ZC3H12B: variants seen among roughly 807,000 people sequenced by gnomAD.
ZC3H12B encodes probable ribonuclease ZC3H12B.
Under a neutral mutation model 43.9 loss-of-function variants are expected in ZC3H12B, and 7 were observed. The ratio of observed to expected loss-of-function variants is 0.16; its 90% CI spans 0.09 to 0.30. ZC3H12B has a LOEUF of 0.30. Ranked by LOEUF, ZC3H12B falls within the 10% of genes least tolerant of loss-of-function variation. The pLI is 1.00. For missense variants in ZC3H12B, 475 were observed against 670.2 expected (o/e 0.71, Z 3.22); for synonymous variants, 222 against 241.7 (o/e 0.92, Z 0.76).
the ZC3H12B span, among the ~76,000 whole-genome samples, chrX:65,274,729 C>A: frequency 2.7e-5 from 3 of 110,794 alleles, no homozygotes; most frequent in Non-Finnish European, 5.7e-5. Context: ...ACAGCACCCT[C>A]CCCACTCAGA....
chrX:65,198,976 A>G, the ZC3H12B span, among the ~76,000 whole-genome samples: 1 of 110,560 alleles, frequency 9.0e-6, no homozygotes, highest in African/African-American at 3.3e-5. Flanking sequence ...ACAAGCATGC[A>G]TCGTCACCTC....
chrX:65,094,576 A>G, the ZC3H12B span, among the ~76,000 whole-genome samples: 1 of 111,911 alleles, frequency 8.9e-6, no homozygotes. Context: ...AAATGTTTTG[A>G]TATTTCCACT....
chrX:65,082,950 A>C, the ZC3H12B span, among the ~76,000 whole-genome samples: 1 of 111,389 alleles, frequency 9.0e-6, no homozygotes, highest in Non-Finnish European at 1.9e-5. Context: ...GAATAGTTCA[A>C]AATACACATG....
At chrX:65,331,987 A>G in the ZC3H12B span, among the ~76,000 whole-genome samples, 2 of 111,209 alleles carry the variant, frequency 1.8e-5, no homozygotes, top group Non-Finnish European at 3.8e-5. Flanking sequence ...AGCCTGTTTT[A>G]TCAGCAAGGT....
intron 3 of ZC3H12B, among the ~76,000 whole-genome samples, chrX:65,413,862 G>A (rs908129073): frequency 1.8e-5 from 2 of 112,054 alleles, no homozygotes; most frequent in Non-Finnish European, 3.8e-5. Context: ...CATTGAATCT[G>A]TAGATCACTT....
the ZC3H12B span, among the ~76,000 whole-genome samples, chrX:65,099,986 C>A: frequency 2.8e-4 from 31 of 111,482 alleles, no homozygotes; most frequent in Non-Finnish European, 3.6e-4. Flanking sequence ...AGAACCTTCA[C>A]AAAAGGTTAC....
the ZC3H12B span, among the ~76,000 whole-genome samples, chrX:65,056,992 G>T: frequency 8.9e-6 from 1 of 111,811 alleles, no homozygotes; most frequent in Admixed American, 9.5e-5. Context: ...CTGCATGTGA[G>T]ATGGGTCTCC....
At chrX:65,287,304 A>T in the ZC3H12B span, among the ~76,000 whole-genome samples, 1 of 112,071 alleles carries the variant, frequency 8.9e-6, no homozygotes, top group Admixed American at 9.5e-5. Flanking sequence ...AAGTCTCAAC[A>T]TATTTTAAAA....
At chrX:65,048,859 A>G in the ZC3H12B span, among the ~76,000 whole-genome samples, 2 of 110,937 alleles carry the variant, frequency 1.8e-5, no homozygotes, top group African/African-American at 3.3e-5. Flanking sequence ...TGTTTTAATC[A>G]TGGCCATTTT....
At chrX:65,159,288 T>C in the ZC3H12B span, among the ~76,000 whole-genome samples, 3 of 111,427 alleles carry the variant, frequency 2.7e-5, no homozygotes, top group Middle Eastern at 4.6e-3. Context: ...ACTTTAGTTT[T>C]TTCCAATTCT....
At chrX:65,425,230 T>A (rs2067066601) in intron 3 of ZC3H12B, among the ~76,000 whole-genome samples, 1 of 111,316 alleles carries the variant, frequency 9.0e-6, no homozygotes, top group Non-Finnish European at 1.9e-5. Flanking sequence ...TTGTGGCATT[T>A]GTGAATGGGA....
chrX:65,163,662 G>C, the ZC3H12B span, among the ~76,000 whole-genome samples: 1 of 111,561 alleles, frequency 9.0e-6, no homozygotes, highest in Non-Finnish European at 1.9e-5. Context: ...GATTTTCCAG[G>C]TGCCATCTGT....
chrX:65,162,656 T>C, the ZC3H12B span, among the ~76,000 whole-genome samples: 1 of 111,815 alleles, frequency 8.9e-6, no homozygotes, highest in Non-Finnish European at 1.9e-5. Context: ...GTTATTCTAG[T>C]TATACATTCG....
the ZC3H12B span, among the ~76,000 whole-genome samples, chrX:65,228,769 A>T: frequency 1.5e-4 from 17 of 111,807 alleles, no homozygotes; most frequent in African/African-American, 5.5e-4. Flanking sequence ...ATCATAAGTG[A>T]ACTCCCATTC....
intron 3 of ZC3H12B, among the ~76,000 whole-genome samples, chrX:65,447,095 T>C (rs1032352115): frequency 8.9e-6 from 1 of 111,933 alleles, no homozygotes; most frequent in African/African-American, 3.3e-5. Flanking sequence ...AGCAATCATT[T>C]CTTCAAATAA....
the ZC3H12B span, among the ~76,000 whole-genome samples, chrX:65,264,731 A>G: frequency 4.5e-5 from 5 of 111,730 alleles, no homozygotes; most frequent in South Asian, 1.9e-3. Flanking sequence ...ATGATTAAAT[A>G]GTAAAAGCAA....
the ZC3H12B span, among the ~76,000 whole-genome samples, chrX:65,255,192 G>A: frequency 9.0e-6 from 1 of 111,015 alleles, no homozygotes; most frequent in Non-Finnish European, 1.9e-5. Flanking sequence ...GGCCAACATT[G>A]GAAATGGAGA....
chrX:65,241,137 C>T, the ZC3H12B span, among the ~76,000 whole-genome samples: 45 of 112,156 alleles, frequency 4.0e-4, no homozygotes, highest in African/African-American at 1.4e-3. Flanking sequence ...CTCTCCAGAG[C>T]CAGCAGTCTG....
chrX:65,126,263 A>G, the ZC3H12B span, among the ~76,000 whole-genome samples: 1 of 111,013 alleles, frequency 9.0e-6, no homozygotes, highest in African/African-American at 3.3e-5. Flanking sequence ...TTTGCTGGAT[A>G]CAGAATTCTT....
Sources: gnomAD v4.1 joint callset for allele counts (sites outside exome capture counted in the v4.1 genomes callset) on GRCh38, gnomAD v4.1.1 for gene constraint, MANE v1.5 for transcripts, NCBI Gene and HGNC (gene_info 2026-07-23, HGNC 2026-07-21) for gene names.